Variants in FGGY observed in about 807,000 individuals in gnomAD.
FGGY encodes FGGY carbohydrate kinase domain containing.
FGGY carries 72 observed loss-of-function variants against 71.3 expected under a neutral mutation model. That is an observed-to-expected ratio of 1.01 (90% confidence interval 0.84 to 1.23). The LOEUF is 1.23. FGGY is among the 50% of genes most tolerant of loss of function. The pLI, the probability that FGGY is intolerant of heterozygous loss-of-function variation, is 0.00. For missense variants in FGGY, 668 were observed against 682.3 expected, an observed-to-expected ratio of 0.98 and a Z score of 0.23; for synonymous variants, 251 against 250.3, an observed-to-expected ratio of 1.00 and a Z score of -0.02.
chr1:59,563,354 T>A (rs753877166), intron 8 of FGGY, among the ~76,000 whole-genome samples: 14 of 152,204 alleles, frequency 9.2e-5, no homozygotes, highest in Non-Finnish European at 1.9e-4. Context: ...ATTGAGATAA[T>A]CATGTGGTTT....
chr1:59,651,156 G>T (rs948015484), intron 11 of FGGY, among the ~76,000 whole-genome samples: 2 of 151,806 alleles, frequency 1.3e-5, no homozygotes, highest in Non-Finnish European at 2.9e-5. Context: ...TTGCTGAGGA[G>T]AGCTTTACTT....
chr1:59,422,550 C>G (rs1015007432), intron 5 of FGGY, among the ~76,000 whole-genome samples: 1 of 151,892 alleles, frequency 6.6e-6, no homozygotes, highest in Admixed American at 6.6e-5. Flanking sequence ...GGAAAATTAG[C>G]CAGGTGAGGT....
At chr1:59,616,098 AC>A (rs2096750194) in intron 9 of FGGY, among the ~76,000 whole-genome samples, 1 of 152,216 alleles carries the variant, frequency 6.6e-6, no homozygotes, top group South Asian at 2.1e-4. Context: ...GGGATCTAGA[AC>A]TAGAAATACC....
chr1:59,337,116 A>G lies in FGGY; in HGVS notation c.202-2842A>G, dbSNP rs141189249. 1.7e-3 allele frequency among the ~76,000 whole-genome samples: 244 copies of G among 147,854 alleles called. 1 individual carries two copies. Among genetic ancestry groups the G allele is most frequent in the African/African-American group, 6.2e-3 (234 of 38,020 alleles). The stretch of plus-strand genomic sequence containing the variant: ...ATTGGATCACATGATTAAAAATGTG[A>G]AGTTCCACAATAGGTCATCCGTAAG... On this transcript the variant is annotated intron_variant, in intron 2 of 15. Transcript: ENST00000303721.
intron 10 of FGGY, among the ~76,000 whole-genome samples, chr1:59,633,834 GA>G (rs2153876596): frequency 6.6e-6 from 1 of 152,224 alleles, no homozygotes; most frequent in South Asian, 2.1e-4. Context: ...TCCAAGAGGA[GA>G]TAAAGAGTAA....
chr1:59,750,921 G>T (rs2101682196), intron 14 of FGGY, among the ~76,000 whole-genome samples: 1 of 151,538 alleles, frequency 6.6e-6, no homozygotes, highest in African/African-American at 2.4e-5. Context: ...AAAAAAAAAG[G>T]TACAGTGTCC....
At chr1:59,675,807 G>C (rs981871799) in intron 14 of FGGY, among the ~76,000 whole-genome samples, 1 of 152,278 alleles carries the variant, frequency 6.6e-6, no homozygotes, top group South Asian at 2.1e-4. Context: ...GTTGTGAACT[G>C]AATATTTGTA....
chr1:59,464,006 C>G (rs920105784), intron 6 of FGGY, among the ~76,000 whole-genome samples: 18 of 152,186 alleles, frequency 1.2e-4, no homozygotes, highest in African/African-American at 4.1e-4. Context: ...AGCTCTGCAC[C>G]AGGCAGACCT....
intron 5 of FGGY, among the ~76,000 whole-genome samples, chr1:59,403,903 G>A (rs1217720612): frequency 6.6e-6 from 1 of 152,128 alleles, no homozygotes; most frequent in Non-Finnish European, 1.5e-5. Flanking sequence ...ATGATAATAG[G>A]ACATGCCTCA....
chr1:59,544,135 C>T (rs934643859), intron 7 of FGGY, among the ~76,000 whole-genome samples: 1 of 152,198 alleles, frequency 6.6e-6, no homozygotes, highest in South Asian at 2.1e-4. Context: ...ATAGCTGGGG[C>T]CCTTTTAACA....
intron 7 of FGGY, among the ~76,000 whole-genome samples, chr1:59,517,167 G>A (rs889724447): frequency 6.6e-6 from 1 of 150,738 alleles, no homozygotes; most frequent in African/African-American, 2.4e-5. Context: ...CTTTTTTCCA[G>A]GTCTTTTCTT....
At chr1:59,732,656 G>T (rs186046804) in intron 14 of FGGY, among the ~76,000 whole-genome samples, 62 of 152,092 alleles carry the variant, frequency 4.1e-4, no homozygotes, top group African/African-American at 1.5e-3. Flanking sequence ...TAGAGGAAAG[G>T]GGGGCAAGAA....
intron 11 of FGGY, among the ~76,000 whole-genome samples, chr1:59,659,791 T>C (rs1286622613): frequency 4.6e-5 from 7 of 152,222 alleles, no homozygotes; most frequent in African/African-American, 1.7e-4. Context: ...GATTGGACAC[T>C]GAATGCTGTT....
At chr1:59,502,161 C>T (rs2094245764) in intron 6 of FGGY, among the ~76,000 whole-genome samples, 1 of 152,178 alleles carries the variant, frequency 6.6e-6, no homozygotes, top group South Asian at 2.1e-4. Flanking sequence ...ATAAAGCCAC[C>T]ACCATCCAAG....
At chr1:59,610,599 C>G (rs1035428940) in intron 9 of FGGY, among the ~76,000 whole-genome samples, 1 of 152,224 alleles carries the variant, frequency 6.6e-6, no homozygotes, top group Non-Finnish European at 1.5e-5. Flanking sequence ...TGCAGACGAC[C>G]AGTGATTTCT....
chr1:59,431,616 A>G lies in FGGY; in HGVS notation c.555-25345A>G, dbSNP rs146525788. On this transcript the variant is annotated intron_variant, in intron 5 of 15. Transcript: ENST00000303721. The stretch of plus-strand genomic sequence containing the variant: ...GCTTCTGCATTGGACTGTGCTTAAC[A>G]TGATGCCCCTTTCTGCATGATCCAA... Among the ~76,000 whole-genome samples, 624 of 152,330 alleles carry G rather than the reference A, an allele frequency of 4.1e-3. 3 individuals carry two copies. The highest frequency in any genetic ancestry group is 0.014 in the African/African-American group (583 of 41,574).
At chr1:59,688,039 T>A (rs2097559195) in intron 14 of FGGY, among the ~76,000 whole-genome samples, 1 of 152,204 alleles carries the variant, frequency 6.6e-6, no homozygotes, top group Non-Finnish European at 1.5e-5. Context: ...TAAATTGACC[T>A]AAGCATCTTT....
intron 5 of FGGY, among the ~76,000 whole-genome samples, chr1:59,401,282 G>T (rs1299419146): frequency 6.6e-6 from 1 of 152,216 alleles, no homozygotes; most frequent in South Asian, 2.1e-4. Context: ...CCATAAGTAG[G>T]TTTTTTCACC....
intron 7 of FGGY, among the ~76,000 whole-genome samples, chr1:59,522,975 TG>T (rs2094877806): frequency 6.6e-6 from 1 of 152,230 alleles, no homozygotes; most frequent in South Asian, 2.1e-4. Context: ...TCTGGTATTC[TG>T]GGGCCATTTT....
Sources: gnomAD v4.1 joint callset for allele counts (sites outside exome capture counted in the v4.1 genomes callset) on GRCh38, gnomAD v4.1.1 for gene constraint, MANE v1.5 for transcripts, NCBI Gene and HGNC (gene_info 2026-07-23, HGNC 2026-07-21) for gene names.